RSRC1: variants seen among roughly 807,000 people sequenced by gnomAD.
RSRC1 encodes the protein serine/Arginine-related protein 53.
RSRC1 carries 39 observed loss-of-function variants against 49.1 expected under a neutral mutation model. That is an observed-to-expected ratio of 0.79 (90% CI 0.61 to 1.04). The LOEUF (loss-of-function observed/expected upper bound fraction) is 1.04. Among genes scored for constraint, RSRC1 ranks in the 50% least tolerant of loss-of-function variants. The pLI is 0.00. For synonymous variants in RSRC1, 143 were observed against 130.8 expected (o/e 1.09, Z -0.63); for missense variants, 388 against 402.4 (o/e 0.96, Z 0.31).
intron 6 of RSRC1, among the ~76,000 whole-genome samples, chr3:158,429,911 A>G (rs1735683002): frequency 6.6e-6 from 1 of 151,730 alleles, no homozygotes; most frequent in African/African-American, 2.4e-5. Context: ...ATCAAAGGGC[A>G]TATATTAATA....
At chr3:158,295,796 G>T (rs1479769787) in intron 4 of RSRC1, among the ~76,000 whole-genome samples, 1 of 151,978 alleles carries the variant, frequency 6.6e-6, no homozygotes, top group Non-Finnish European at 1.5e-5. Context: ...TTGTCTTTTT[G>T]TTTTAAAGAG....
intron 7 of RSRC1, among the ~76,000 whole-genome samples, chr3:158,520,827 A>T (rs934981082): frequency 6.6e-6 from 1 of 152,186 alleles, no homozygotes; most frequent in Non-Finnish European, 1.5e-5. Context: ...ATGCATGTCT[A>T]TGTATGTGGG....
chr3:158,375,109 A>G (rs546430177), intron 6 of RSRC1, among the ~76,000 whole-genome samples: 77 of 151,758 alleles, frequency 5.1e-4, no homozygotes, highest in Non-Finnish European at 9.4e-4. Flanking sequence ...TTCTAACGAC[A>G]TTATGAAACT....
intron 7 of RSRC1, among the ~76,000 whole-genome samples, chr3:158,474,868 T>C (rs886623522): frequency 6.6e-6 from 1 of 152,150 alleles, no homozygotes; most frequent in African/African-American, 2.4e-5. Context: ...TCTATTCTAG[T>C]ACCTTATGCT....
intron 4 of RSRC1, among the ~76,000 whole-genome samples, chr3:158,293,314 A>G (rs1727049174): frequency 6.6e-6 from 1 of 152,092 alleles, no homozygotes; most frequent in Non-Finnish European, 1.5e-5. Context: ...GTACATATGT[A>G]TGTATGTATG....
chr3:158,288,042 G>T (rs552083534), intron 4 of RSRC1, among the ~76,000 whole-genome samples: 3 of 151,876 alleles, frequency 2.0e-5, no homozygotes, highest in African/African-American at 7.3e-5. Context: ...TTGTTTTTTC[G>T]TAATGAACAA....
chr3:158,534,275 A>G (rs913703772), intron 7 of RSRC1, among the ~76,000 whole-genome samples: 5 of 151,688 alleles, frequency 3.3e-5, no homozygotes, highest in Non-Finnish European at 7.4e-5. Context: ...TTCAGATAAC[A>G]TTTTTGTTGA....
intron 6 of RSRC1, among the ~76,000 whole-genome samples, chr3:158,454,725 T>A (rs1185761654): frequency 6.6e-6 from 1 of 152,172 alleles, no homozygotes; most frequent in African/African-American, 2.4e-5. Flanking sequence ...GTTTGTTGTA[T>A]CTCTTTCGTA....
chr3:158,280,526 T>C (rs1726079387), intron 4 of RSRC1, among the ~76,000 whole-genome samples: 1 of 151,774 alleles, frequency 6.6e-6, no homozygotes, highest in Admixed American at 6.6e-5. Flanking sequence ...TACTCAGTAA[T>C]AGTTGTTGAA....
At chr3:158,298,856 C>T (rs1339147155) in intron 5 of RSRC1, among the ~76,000 whole-genome samples, 1 of 152,146 alleles carries the variant, frequency 6.6e-6, no homozygotes, top group Admixed American at 6.5e-5. Flanking sequence ...TGCAAGACTT[C>T]ATTCGTATAT....
At position 158,203,241 on chromosome 3, in the gene RSRC1, C is replaced by T. The variant is rs371688143; in HGVS notation, c.490C>T (p.Arg164Cys). The change falls in exon 4 of 10, where the codon CGT (arginine) becomes TGT (cysteine). Residue 164 changes from arginine to cysteine, a missense_variant. Transcript: ENST00000611884. The stretch of plus-strand genomic sequence containing the variant: ...GGACAAGGAATTACATAACATCAAA[C>T]GTGGGTAAGTTGGAGCAAATCTTAT... ...GKDKELHNIK[R>C]GESGNIKAGL... is the part of the protein sequence containing the mutation. 15 of 1,578,860 alleles carry T rather than the reference C, an allele frequency of 9.5e-6. No individual in the cohort carries two copies. Among genetic ancestry groups the T allele is most frequent in the East Asian group, 2.3e-5 (1 of 43,636 alleles).
chr3:158,439,845 G>A (rs1230268098), intron 6 of RSRC1, among the ~76,000 whole-genome samples: 1 of 151,872 alleles, frequency 6.6e-6, no homozygotes, highest in African/African-American at 2.4e-5. Context: ...AAAGGTTACA[G>A]TGTGATAGGA....
intron 4 of RSRC1, among the ~76,000 whole-genome samples, chr3:158,282,679 G>A (rs553351289): frequency 1.3e-5 from 2 of 152,118 alleles, no homozygotes; most frequent in African/African-American, 4.8e-5. Flanking sequence ...TAGTCATGGT[G>A]GGAGTTTAAT....
chr3:158,413,405 A>G (rs1560031299), intron 6 of RSRC1, among the ~76,000 whole-genome samples: 2 of 152,170 alleles, frequency 1.3e-5, no homozygotes, highest in Non-Finnish European at 2.9e-5. Flanking sequence ...AATCTAGGCA[A>G]TACCATTCAG....
intron 6 of RSRC1, among the ~76,000 whole-genome samples, chr3:158,454,150 A>T (rs1300800260): frequency 1.3e-5 from 2 of 152,002 alleles, no homozygotes; most frequent in East Asian, 3.9e-4. Context: ...TATTTATATT[A>T]TGTCTTTGAT....
At chr3:158,532,178 A>G (rs1363332632) in intron 7 of RSRC1, among the ~76,000 whole-genome samples, 1 of 151,836 alleles carries the variant, frequency 6.6e-6, no homozygotes, top group African/African-American at 2.4e-5. Context: ...CTGTGGGGCC[A>G]ACTGACCCAA....
chr3:158,474,578 A>G (rs974775052), intron 7 of RSRC1, among the ~76,000 whole-genome samples: 2 of 152,208 alleles, frequency 1.3e-5, no homozygotes, highest in African/African-American at 2.4e-5. Flanking sequence ...TCTACAGCAC[A>G]TGATGCTGTT....
At chr3:158,222,257 C>A (rs1722263139) in intron 4 of RSRC1, among the ~76,000 whole-genome samples, 1 of 151,424 alleles carries the variant, frequency 6.6e-6, no homozygotes, top group South Asian at 2.1e-4. Flanking sequence ...TCACATGTAA[C>A]CATCTTTGCC....
In RSRC1 at chr3:158,131,636, T is replaced by A. The variant is rs141840454; in HGVS notation, c.320+7645T>A. ...TCTCCGGGTTCTTTTGCATGAATAT[T>A]TTTTCTTTCATAGTGGTATACTTTG... On this transcript the variant is annotated intron_variant, in intron 3 of 9. Transcript: ENST00000611884. Among the ~76,000 whole-genome samples the A allele has an allele frequency of 8.7e-3, 1,323 of 152,216 alleles. 12 individuals carry two copies. The highest frequency in any genetic ancestry group is 0.012 in the Non-Finnish European group (833 of 68,022).
Sources: allele counts gnomAD v4.1 joint callset (sites outside exome capture counted in the v4.1 genomes callset), GRCh38; gene constraint gnomAD v4.1.1; transcripts MANE v1.5; gene names NCBI Gene and HGNC (gene_info 2026-07-23, HGNC 2026-07-21).